Variants in SH3RF3 observed in about 807,000 individuals in gnomAD.
SH3RF3 encodes SH3 domain containing ring finger 3, also known as E3 ubiquitin-protein ligase SH3RF3.
SH3RF3 carries 29 observed loss-of-function variants against 66.3 expected under a neutral mutation model. The ratio of observed to expected loss-of-function variants is 0.44; its 90% CI spans 0.33 to 0.60. The LOEUF is 0.60. SH3RF3 is among the 20% of genes least tolerant of loss of function. The pLI, the probability that SH3RF3 is intolerant of heterozygous loss-of-function variation, is 0.04. For missense variants in SH3RF3, 1,194 were observed against 1,190.9 expected (o/e 1.00, Z -0.04); for synonymous variants, 583 against 532.0 (o/e 1.10, Z -1.32).
intron 1 of SH3RF3, among the ~76,000 whole-genome samples, chr2:109,217,974 C>T (rs1490412462): frequency 1.3e-5 from 2 of 152,180 alleles, no homozygotes; most frequent in African/African-American, 4.8e-5. Context: ...TTGCTCCTGC[C>T]GGTTGCCTTC....
intron 1 of SH3RF3, among the ~76,000 whole-genome samples, chr2:109,320,648 C>A (rs10191691): frequency 6.6e-6 from 1 of 152,086 alleles, no homozygotes; most frequent in African/African-American, 2.4e-5. Flanking sequence ...CTCTATAACA[C>A]CCAATATGCA....
intron 1 of SH3RF3, among the ~76,000 whole-genome samples, chr2:109,190,159 C>A (rs1678310184): frequency 6.6e-6 from 1 of 152,166 alleles, no homozygotes; most frequent in African/African-American, 2.4e-5. Flanking sequence ...CCCTCTATTA[C>A]AATCACCTTG....
At chr2:109,457,006 A>ACCTGGGGT (rs1678078239) in intron 8 of SH3RF3, among the ~76,000 whole-genome samples, 1 of 152,170 alleles carries the variant, frequency 6.6e-6, no homozygotes. Flanking sequence ...TGGAGGGTGG[A>ACCTGGGGT]CCTGGGGTCG....
At chr2:109,239,774 A>G (rs1268694991) in intron 1 of SH3RF3, among the ~76,000 whole-genome samples, 1 of 152,204 alleles carries the variant, frequency 6.6e-6, no homozygotes, top group Non-Finnish European at 1.5e-5. Context: ...CTGCTGTGGG[A>G]GTCCCTTGTC....
chr2:109,171,846 A>G (rs895113901), intron 1 of SH3RF3, among the ~76,000 whole-genome samples: 2 of 152,152 alleles, frequency 1.3e-5, no homozygotes, highest in African/African-American at 4.8e-5. Context: ...AGGAATGAAG[A>G]TGTTCTATTT....
Position 109,237,138 on chromosome 2 carries a change from C to T in SH3RF3, c.573+107025C>T, listed in dbSNP as rs191948914. The stretch of plus-strand genomic sequence containing the variant: ...AATACACATGGAGGAAAGATGTTCA[C>T]GGAATAGATTTTAAAGAGTTAATAT... On this transcript the variant is annotated intron_variant, in intron 1 of 9. Transcript: ENST00000309415. Among the ~76,000 whole-genome samples, 16 of 152,130 alleles carry T rather than the reference C, an allele frequency of 1.1e-4. No individual in the cohort carries two copies. The East Asian group carries it at 1.7e-3, about 17-fold the overall frequency.
chr2:109,156,564 G>T (rs1193836565), intron 1 of SH3RF3, among the ~76,000 whole-genome samples: 1 of 151,970 alleles, frequency 6.6e-6, no homozygotes, highest in Non-Finnish European at 1.5e-5. Flanking sequence ...TTCTGCCTCA[G>T]CCTTCTGAGT....
chr2:109,359,286 C>T (rs1031282727), intron 2 of SH3RF3, among the ~76,000 whole-genome samples: 5 of 152,154 alleles, frequency 3.3e-5, no homozygotes, highest in African/African-American at 1.2e-4. Flanking sequence ...ACTTTAGAAT[C>T]AGTTGGTCAA....
chr2:109,462,133 T>G (rs918629730), intron 8 of SH3RF3, among the ~76,000 whole-genome samples: 14 of 150,464 alleles, frequency 9.3e-5, no homozygotes, highest in African/African-American at 1.5e-4. Context: ...AGTTGCTGCT[T>G]CTTGCTCACT....
Position 109,129,350 on chromosome 2 carries a change from GGTCCCCGCCACGCAGGCC to G in SH3RF3, c.-189_-172del, listed in dbSNP as rs1676619624. On this transcript the variant is annotated 5_prime_UTR_variant, in exon 1 of 10. Coordinates refer to ENST00000309415, the MANE Select transcript of SH3RF3 (RefSeq NM_001099289.3). ...CTGGCCGGTCCCCGCCACGCAGGCC[GGTCCCCGCCACGCAGGCC>G]GGTCGGTGAGCCACTTCGCACCGCC... 2 of 851,166 alleles carry G rather than the reference GGTCCCCGCCACGCAGGCC, an allele frequency of 2.3e-6. No homozygotes were observed. Among genetic ancestry groups the G allele is most frequent in the African/African-American group, 3.5e-5 (2 of 56,452 alleles). 52.7% of individuals were successfully genotyped at this position (851,166 alleles called of 1,614,324 possible).
At chr2:109,324,237 T>C (rs886954747) in intron 1 of SH3RF3, among the ~76,000 whole-genome samples, 1 of 152,350 alleles carries the variant, frequency 6.6e-6, no homozygotes, top group Non-Finnish European at 1.5e-5. Flanking sequence ...ATGTTCTCAC[T>C]TTTTCACCAT....
chr2:109,498,150 C>G (rs1437580253), intron 9 of SH3RF3, among the ~76,000 whole-genome samples: 1 of 152,328 alleles, frequency 6.6e-6, no homozygotes, highest in African/African-American at 2.4e-5. Context: ...CGCCTGCCCT[C>G]CTTCCTTCCC....
intron 1 of SH3RF3, among the ~76,000 whole-genome samples, chr2:109,249,532 T>TCC (rs1680019241): frequency 6.2e-5 from 6 of 96,488 alleles, no homozygotes; most frequent in African/African-American, 2.8e-4. Context: ...TCTTTCTTTC[T>TCC]TTCCTTCCTT....
chr2:109,471,692 CTCTT>C (rs1435647015), intron 8 of SH3RF3, among the ~76,000 whole-genome samples: 1 of 152,200 alleles, frequency 6.6e-6, no homozygotes, highest in Non-Finnish European at 1.5e-5. Context: ...GGGTCTAAGT[CTCTT>C]TCTTTTCCAC....
intron 1 of SH3RF3, among the ~76,000 whole-genome samples, chr2:109,225,366 G>C (rs375491322): frequency 6.6e-6 from 1 of 152,194 alleles, no homozygotes; most frequent in Non-Finnish European, 1.5e-5. Flanking sequence ...GTGGGTTTCC[G>C]GGCTCCGCTT....
chr2:109,414,367 C>T (rs528443169), intron 4 of SH3RF3, among the ~76,000 whole-genome samples: 7 of 152,328 alleles, frequency 4.6e-5, no homozygotes, highest in African/African-American at 1.7e-4. Context: ...CTGTCCTCCA[C>T]TGCTTGATTT....
chr2:109,255,156 G>A (rs188503368), intron 1 of SH3RF3, among the ~76,000 whole-genome samples: 4 of 152,248 alleles, frequency 2.6e-5, no homozygotes, highest in Admixed American at 2.0e-4. Flanking sequence ...ACATGTGCAC[G>A]TGTGCAACTC....
Position 109,130,092 on chromosome 2 carries a change from C to A in SH3RF3, c.552C>A (p.Ser184Arg). The change falls in exon 1 of 10, where the codon AGC (serine) becomes AGA (arginine). Residue 184 changes from serine (S) to arginine (R), a missense_variant. Ser to Arg is a moderately radical substitution (Grantham distance 110, BLOSUM62 -1). Coordinates refer to ENST00000309415, the MANE Select transcript of SH3RF3 (RefSeq NM_001099289.3). ...GCAGTCTGCGGGAGCTGGCGACCAG[C>A]AGGACCGCGCCGGCGGCAAAGGTGA... Reference protein sequence around the residue: ...TAGSLRELATSRTAPAAKNPC... With the variant: ...TAGSLRELATRRTAPAAKNPC... 7.4e-7 allele frequency: 1 copy of A among 1,353,704 alleles called. No individual in the cohort carries two copies. Among genetic ancestry groups the A allele is most frequent in the Non-Finnish European group, 9.5e-7 (1 of 1,055,472 alleles). The allele number at this position is 1,353,704 out of a possible 1,614,324, so 83.9% of individuals were successfully genotyped here. A position where few individuals can be genotyped will look rare whatever the true frequency, so the allele number is the denominator to read the frequency against.
At chr2:109,161,661 G>A (rs745439358) in intron 1 of SH3RF3, among the ~76,000 whole-genome samples, 23 of 151,922 alleles carry the variant, frequency 1.5e-4, no homozygotes, top group Non-Finnish European at 2.4e-4. Flanking sequence ...CTTGTGGAAG[G>A]CGAAGGGGAG....
Sources: gnomAD v4.1 joint callset for allele counts (sites outside exome capture counted in the v4.1 genomes callset) on GRCh38, gnomAD v4.1.1 for gene constraint, MANE v1.5 for transcripts, NCBI Gene and HGNC (gene_info 2026-07-23, HGNC 2026-07-21) for gene names.